DNAH11: variants seen among roughly 807,000 people sequenced by gnomAD.
DNAH11 encodes the protein dynein axonemal heavy chain 11.
DNAH11 carries 442 observed loss-of-function variants against 526.0 expected under a neutral mutation model. The observed-to-expected ratio is 0.84, with a 90% CI of 0.78 to 0.91. The LOEUF (loss-of-function observed/expected upper bound fraction) is 0.91. Among genes scored for constraint, DNAH11 ranks in the 40% least tolerant of loss-of-function variants. The pLI is 0.00. For synonymous variants in DNAH11, 2,461 were observed against 1,935.9 expected, an observed-to-expected ratio of 1.27 and a Z score of -7.12; for missense variants, 6,989 against 5,448.7, an observed-to-expected ratio of 1.28 and a Z score of -8.90.
At chr7:21,581,552 A>G (rs1347083025) in intron 8 of DNAH11, among the ~76,000 whole-genome samples, 3 of 152,198 alleles carry the variant, frequency 2.0e-5, no homozygotes, top group African/African-American at 7.2e-5. Context: ...TTTTCTGAAA[A>G]ACTTCACTTT....
chr7:21,769,551 C>G (rs1787333273), intron 55 of DNAH11, among the ~76,000 whole-genome samples: 1 of 151,744 alleles, frequency 6.6e-6, no homozygotes, highest in African/African-American at 2.4e-5. Context: ...GTGGCATGAT[C>G]TCGGCTCACT....
intron 66 of DNAH11, among the ~76,000 whole-genome samples, chr7:21,844,827 A>C (rs1197466926): frequency 6.6e-6 from 1 of 152,232 alleles, no homozygotes; most frequent in Non-Finnish European, 1.5e-5. Flanking sequence ...CCACTGCAGC[A>C]GTTGCCATGT....
chr7:21,785,922 C>G (rs11763827), intron 58 of DNAH11, among the ~76,000 whole-genome samples: 44,745 of 152,104 alleles, frequency 0.29, 8,060 homozygotes, highest in Non-Finnish European at 0.41. Context: ...CAGGAAATAC[C>G]TGGTTGGTTG....
At chr7:21,708,044 A>C (rs769920805) in intron 40 of DNAH11, among the ~76,000 whole-genome samples, 10 of 152,220 alleles carry the variant, frequency 6.6e-5, no homozygotes, top group Non-Finnish European at 7.3e-5. Context: ...ATTTGTACTC[A>C]GAGCTGTTGT....
intron 54 of DNAH11, 64 bp downstream of exon 54, chr7:21,750,428 T>C (rs1786364820): frequency 1.3e-6 from 2 of 1,527,920 alleles, no homozygotes; most frequent in Non-Finnish European, 1.8e-6. Context: ...TCTGGTTCTA[T>C]TCTGAGTTTT....
At chr7:21,798,927 T>G (rs1000456006) in intron 61 of DNAH11, among the ~76,000 whole-genome samples, 2 of 152,100 alleles carry the variant, frequency 1.3e-5, no homozygotes, top group Non-Finnish European at 2.9e-5. Context: ...ATAAATAAAT[T>G]TTTAAATTTT....
At chr7:21,673,144 ATCTC>A (rs996103268) in intron 30 of DNAH11, among the ~76,000 whole-genome samples, 7 of 152,248 alleles carry the variant, frequency 4.6e-5, no homozygotes, top group African/African-American at 1.7e-4. Context: ...ATACTGAGTT[ATCTC>A]TCTCTACTTA....
intron 42 of DNAH11, among the ~76,000 whole-genome samples, chr7:21,716,273 C>T (rs571160850): frequency 9.2e-5 from 14 of 152,202 alleles, no homozygotes; most frequent in East Asian, 3.9e-4. Flanking sequence ...CAGAGGGAGA[C>T]GGAGCCGCGA....
intron 48 of DNAH11, among the ~76,000 whole-genome samples, chr7:21,740,955 T>C (rs528603542): frequency 1.6e-4 from 25 of 152,356 alleles, no homozygotes; most frequent in African/African-American, 5.3e-4. Context: ...CTCATAGTTA[T>C]GATTTGCATT....
At chr7:21,623,486 A>C (rs1786177714) in intron 25 of DNAH11, among the ~76,000 whole-genome samples, 1 of 152,224 alleles carries the variant, frequency 6.6e-6, no homozygotes, top group Non-Finnish European at 1.5e-5. Flanking sequence ...AAGGATTATA[A>C]ATCATGCTGC....
Position 21,779,016 on chromosome 7 carries a change from A to T in DNAH11, c.9395A>T (p.His3132Leu). Residue 3132 changes from histidine to leucine, a missense_variant, in exon 57 of 82, where the codon CAT (histidine) becomes CTT (leucine). By Grantham distance (99) the His-to-Leu change is moderately conservative (BLOSUM62 -3). Transcript: ENST00000409508. ...GAAGCCGAGCTGCAACTGAGAAATC[A>T]TGATGCCGAAGCTCTGATCACAAAG... The part of the protein sequence containing the change: ...SQEAELQLRN[H>L]DAEALITKIG... 6.2e-7 allele frequency: 1 copy of T among 1,613,488 alleles called. No homozygotes were observed. Among genetic ancestry groups the T allele is most frequent in the Non-Finnish European group, 8.5e-7 (1 of 1,179,616 alleles).
intron 63 of DNAH11, among the ~76,000 whole-genome samples, chr7:21,813,720 A>C (rs1242190205): frequency 6.6e-6 from 1 of 152,064 alleles, no homozygotes; most frequent in Non-Finnish European, 1.5e-5. Flanking sequence ...TTTCAGCTCC[A>C]CCTCATAGTA....
chr7:21,749,715 A>C lies in DNAH11; in HGVS notation c.8711A>C (p.Lys2904Thr). 1 of 1,614,042 alleles carries C rather than the reference A, an allele frequency of 6.2e-7. No homozygotes were observed. The highest frequency in any genetic ancestry group is 8.5e-7 in the Non-Finnish European group (1 of 1,179,876). ...LANLYIRTGA[K>T]NMPTVFLLTD... ...AATTTGTACATCCGAACTGGAGCCA[A>C]GAACATGCCCACTGTGTTCCTGCTG... Residue 2904 changes from lysine to threonine, a missense_variant, in exon 53 of 82, where the codon AAG (lysine) becomes ACG (threonine). Coordinates refer to ENST00000409508, the MANE Select transcript of DNAH11 (RefSeq NM_001277115.2).
At chr7:21,567,649 C>A (rs1028826242) in intron 6 of DNAH11, among the ~76,000 whole-genome samples, 2 of 152,198 alleles carry the variant, frequency 1.3e-5, no homozygotes, top group Non-Finnish European at 2.9e-5. Flanking sequence ...ATGACCTTCA[C>A]TGTTCACTGT....
intron 42 of DNAH11, among the ~76,000 whole-genome samples, chr7:21,714,772 C>T (rs1784588530): frequency 6.6e-6 from 1 of 151,906 alleles, no homozygotes; most frequent in African/African-American, 2.4e-5. Flanking sequence ...CTCTCTCTTT[C>T]TCTGGCATAG....
rs926698976 is a variant in DNAH11 at position 21,733,486 on chromosome 7, C to G, written c.7441-2154C>G. Among the ~76,000 whole-genome samples the G allele has an allele frequency of 5.9e-5, 9 of 152,306 alleles. No individual in the cohort carries two copies. In the South Asian group the frequency reaches 1.7e-3, roughly 28 times the overall value. On this transcript the variant is annotated intron_variant, in intron 45 of 81. Coordinates refer to ENST00000409508, the MANE Select transcript of DNAH11 (RefSeq NM_001277115.2). ...AAATCTTGCTTTTTGTTCAGTCTGCCTAGAATTCAGCTACCTACAAGTATG... is the reference window on the plus strand; with the variant it reads ...AAATCTTGCTTTTTGTTCAGTCTGCGTAGAATTCAGCTACCTACAAGTATG...
chr7:21,816,745 T>C (rs768001186), intron 64 of DNAH11, 43 bp downstream of exon 64: 1 of 1,539,610 alleles, frequency 6.5e-7, no homozygotes, highest in East Asian at 2.3e-5. Context: ...TTACCTGCTG[T>C]GAAGTGGGTC....
At chr7:21,668,105 G>A (rs1374584593) in intron 30 of DNAH11, among the ~76,000 whole-genome samples, 2 of 152,034 alleles carry the variant, frequency 1.3e-5, no homozygotes, top group Non-Finnish European at 2.9e-5. Flanking sequence ...AAATACAAAA[G>A]AAAATTCTTT....
rs906362284 is a variant in DNAH11, at chr7:21,588,215, A to G, written c.1848+14A>G. The stretch of plus-strand genomic sequence containing the variant: ...CACATGAAACAGGTAAGTGGTGGAT[A>G]AGGTTGGACACATTTACAATATCAT... On this transcript the variant is annotated intron_variant, in intron 10 of 81. Coordinates refer to ENST00000409508, the MANE Select transcript of DNAH11 (RefSeq NM_001277115.2). 6.2e-7 allele frequency: 1 copy of G among 1,604,812 alleles called. No homozygotes were observed. The highest frequency in any genetic ancestry group is 1.3e-5 in the African/African-American group (1 of 74,524).
Sources: allele counts gnomAD v4.1 joint callset (sites outside exome capture counted in the v4.1 genomes callset), GRCh38; gene constraint gnomAD v4.1.1; transcripts MANE v1.5; gene names NCBI Gene and HGNC (gene_info 2026-07-23, HGNC 2026-07-21).